BAZ2B: variants seen among roughly 807,000 people sequenced by gnomAD.
The protein encoded by BAZ2B is bromodomain adjacent to zinc finger domain protein 2B.
BAZ2B carries 91 observed loss-of-function variants against 246.0 expected under a neutral mutation model. The ratio of observed to expected loss-of-function variants is 0.37; its 90% CI spans 0.31 to 0.44. The LOEUF (loss-of-function observed/expected upper bound fraction) is 0.44. Ranked by LOEUF, BAZ2B falls within the 20% of genes least tolerant of loss-of-function variation. The pLI, the probability that BAZ2B is intolerant of heterozygous loss-of-function variation, is 1.00. For synonymous variants in BAZ2B, 855 were observed against 860.0 expected (o/e 0.99, Z 0.10); for missense variants, 2,332 against 2,533.7 (o/e 0.92, Z 1.71).
At chr2:159,491,090 A>C (rs1263915328) in intron 2 of BAZ2B, among the ~76,000 whole-genome samples, 1 of 152,176 alleles carries the variant, frequency 6.6e-6, no homozygotes, top group Non-Finnish European at 1.5e-5. Flanking sequence ...TTACCTGTTT[A>C]ATATGTCTGA....
At chr2:159,649,689 T>G in the BAZ2B span, among the ~76,000 whole-genome samples, 1 of 152,196 alleles carries the variant, frequency 6.6e-6, no homozygotes, top group Non-Finnish European at 1.5e-5. Flanking sequence ...CTGACGTAGT[T>G]TTCTTCATGT....
chr2:159,608,993 C>T (rs1032703043), intron 1 of BAZ2B, among the ~76,000 whole-genome samples: 1 of 152,152 alleles, frequency 6.6e-6, no homozygotes, highest in Non-Finnish European at 1.5e-5. Flanking sequence ...GGAAACGCAT[C>T]ATTGTAAATC....
chr2:159,619,852 T>G (rs1352705986), upstream of BAZ2B, among the ~76,000 whole-genome samples: 1 of 152,098 alleles, frequency 6.6e-6, no homozygotes, highest in Non-Finnish European at 1.5e-5. Context: ...GATAAAATAG[T>G]TGCTATAGTT....
At chr2:159,640,146 A>C in the BAZ2B span, among the ~76,000 whole-genome samples, 1 of 152,198 alleles carries the variant, frequency 6.6e-6, no homozygotes, top group Non-Finnish European at 1.5e-5. Context: ...CATTCAGCAA[A>C]GGATATAATA....
intron 2 of BAZ2B, among the ~76,000 whole-genome samples, chr2:159,530,608 C>G (rs973873598): frequency 1.3e-5 from 2 of 152,112 alleles, no homozygotes; most frequent in East Asian, 3.8e-4. Context: ...CAGAGTTATG[C>G]ATATATAACT....
At chr2:159,548,855 A>G (rs1400972507) in intron 2 of BAZ2B, among the ~76,000 whole-genome samples, 2 of 152,204 alleles carry the variant, frequency 1.3e-5, no homozygotes, top group African/African-American at 4.8e-5. Context: ...GAAAAGCAAT[A>G]AATAATATTA....
chr2:159,477,034 G>A (rs1054088631), intron 3 of BAZ2B, among the ~76,000 whole-genome samples: 5 of 152,172 alleles, frequency 3.3e-5, no homozygotes, highest in Non-Finnish European at 4.4e-5. Flanking sequence ...GGCTGGGCGC[G>A]GTGGCTCACG....
chr2:159,582,512 T>G (rs1021617405), intron 1 of BAZ2B, among the ~76,000 whole-genome samples: 1 of 151,728 alleles, frequency 6.6e-6, no homozygotes, highest in South Asian at 2.1e-4. Flanking sequence ...GCCTCCGGAG[T>G]AGCTGGGACA....
chr2:159,693,785 C>G, the BAZ2B span: 24 of 151,892 alleles, frequency 1.6e-4, no homozygotes, highest in Admixed American at 1.5e-3. Flanking sequence ...ACAGATGCAG[C>G]CTTAAACTCC....
chr2:159,469,120 TGA>T (rs2077459957), intron 3 of BAZ2B, among the ~76,000 whole-genome samples: 1 of 139,566 alleles, frequency 7.2e-6, no homozygotes, highest in Admixed American at 7.0e-5. Context: ...AAATAATTAA[TGA>T]GAGAAAAAAA....
chr2:159,348,194 C>T (rs1186828913), intron 30 of BAZ2B, among the ~76,000 whole-genome samples: 1 of 151,668 alleles, frequency 6.6e-6, no homozygotes, highest in African/African-American at 2.4e-5. Flanking sequence ...GGGGCATGTG[C>T]CTGTAGTCCC....
At chr2:159,358,462 G>A (rs1403417090) in intron 27 of BAZ2B, among the ~76,000 whole-genome samples, 1 of 152,164 alleles carries the variant, frequency 6.6e-6, no homozygotes, top group East Asian at 1.9e-4. Flanking sequence ...GATTCATAAA[G>A]CAAGTCCTTA....
At chr2:159,441,223 T>C (rs1443442519) in intron 6 of BAZ2B, among the ~76,000 whole-genome samples, 4 of 152,104 alleles carry the variant, frequency 2.6e-5, no homozygotes, top group Non-Finnish European at 5.9e-5. Context: ...AGAGAAAAAT[T>C]AACTCCTATT....
chr2:159,659,201 G>T, the BAZ2B span, among the ~76,000 whole-genome samples: 1 of 152,106 alleles, frequency 6.6e-6, no homozygotes, highest in Non-Finnish European at 1.5e-5. Flanking sequence ...CTTCCTAGAA[G>T]TTGCCTGTTT....
At chr2:159,576,875 T>C (rs907845606) in intron 1 of BAZ2B, among the ~76,000 whole-genome samples, 4 of 117,236 alleles carry the variant, frequency 3.4e-5, no homozygotes, top group African/African-American at 1.4e-4. Context: ...ATCACGCCAC[T>C]GCACTCCAGC....
chr2:159,509,936 T>C (rs905267896), intron 2 of BAZ2B, among the ~76,000 whole-genome samples: 36 of 152,088 alleles, frequency 2.4e-4, no homozygotes, highest in African/African-American at 8.2e-4. Context: ...TATGTATATA[T>C]GTACACATAT....
intron 27 of BAZ2B, among the ~76,000 whole-genome samples, chr2:159,363,068 T>C (rs1162469022): frequency 6.6e-6 from 1 of 152,170 alleles, no homozygotes; most frequent in African/African-American, 2.4e-5. Flanking sequence ...TAGTAGAGGC[T>C]TGGCCTGCTA....
At chr2:159,707,657 C>T in the BAZ2B span, among the ~76,000 whole-genome samples, 1 of 152,106 alleles carries the variant, frequency 6.6e-6, no homozygotes, top group Non-Finnish European at 1.5e-5. Flanking sequence ...AAAACTCCAT[C>T]TCTACTAAAA....
intron 9 of BAZ2B, 87 bp from the exon 10 acceptor site, chr2:159,431,243 C>A: frequency 2.7e-6 from 4 of 1,482,462 alleles, no homozygotes; most frequent in Non-Finnish European, 3.6e-6. Context: ...AGCTCAGGAA[C>A]CAGCACCTGT....
Sources: gnomAD v4.1 joint callset for allele counts (sites outside exome capture counted in the v4.1 genomes callset) on GRCh38, gnomAD v4.1.1 for gene constraint, MANE v1.5 for transcripts, NCBI Gene and HGNC (gene_info 2026-07-23, HGNC 2026-07-21) for gene names.